LRRIQ3: variants seen among roughly 807,000 people sequenced by gnomAD.
LRRIQ3 encodes leucine rich repeats and IQ motif containing 3, also known as leucine-rich repeat and IQ domain-containing protein 3.
In LRRIQ3, 75 loss-of-function variants were observed where a neutral mutation model predicts 59.3. That is an observed-to-expected ratio of 1.26 (90% CI 1.05 to 1.53). The LOEUF is 1.53. Ranked by LOEUF, LRRIQ3 falls within the 40% of genes most tolerant of loss-of-function variation. The probability of loss-of-function intolerance (pLI) is 0.00; values close to 1 mark genes in which losing one functional copy is unlikely to be tolerated. For synonymous variants in LRRIQ3, 250 were observed against 231.3 expected, an observed-to-expected ratio of 1.08 and a Z score of -0.73; for missense variants, 831 against 710.0, an observed-to-expected ratio of 1.17 and a Z score of -1.94.
chr1:74,118,391 A>T (rs1288542790), intron 4 of LRRIQ3, among the ~76,000 whole-genome samples: 1 of 152,118 alleles, frequency 6.6e-6, no homozygotes, highest in African/African-American at 2.4e-5. Context: ...ACTCAAATTA[A>T]ATTTTAGAAC....
At chr1:74,047,443 G>A (rs1654238547) in intron 6 of LRRIQ3, among the ~76,000 whole-genome samples, 1 of 152,042 alleles carries the variant, frequency 6.6e-6, no homozygotes, top group Non-Finnish European at 1.5e-5. Flanking sequence ...GACCTGTTGG[G>A]GTGTGATGGG....
intron 3 of LRRIQ3, among the ~76,000 whole-genome samples, chr1:74,171,161 A>T (rs1447532700): frequency 2.6e-5 from 4 of 152,076 alleles, no homozygotes; most frequent in African/African-American, 9.7e-5. Flanking sequence ...GTTTAGTCCC[A>T]TTGCTTTGGC....
intron 6 of LRRIQ3, among the ~76,000 whole-genome samples, chr1:74,051,719 T>C (rs1654375667): frequency 6.6e-6 from 1 of 152,126 alleles, no homozygotes; most frequent in Non-Finnish European, 1.5e-5. Context: ...ATTTTCCTAT[T>C]CTGGACATTT....
At chr1:74,035,270 T>C (rs1048391472) in intron 7 of LRRIQ3, among the ~76,000 whole-genome samples, 5 of 151,724 alleles carry the variant, frequency 3.3e-5, no homozygotes, top group African/African-American at 9.7e-5. Flanking sequence ...AATATCAATA[T>C]AGACATAGAA....
intron 5 of LRRIQ3, among the ~76,000 whole-genome samples, chr1:74,098,950 T>C (rs1037494537): frequency 5.9e-5 from 9 of 151,796 alleles, no homozygotes; most frequent in Admixed American, 2.6e-4. Flanking sequence ...CAAGACAAAG[T>C]AGGAAAGATC....
At chr1:74,075,439 T>C (rs1289976930) in intron 5 of LRRIQ3, among the ~76,000 whole-genome samples, 2 of 151,838 alleles carry the variant, frequency 1.3e-5, no homozygotes, top group African/African-American at 4.8e-5. Context: ...TGGTGGTGCA[T>C]GCCTGTAATC....
chr1:74,076,561 T>C (rs1023834314), intron 5 of LRRIQ3, among the ~76,000 whole-genome samples: 1 of 152,114 alleles, frequency 6.6e-6, no homozygotes, highest in Non-Finnish European at 1.5e-5. Flanking sequence ...AGAGAATTCA[T>C]CCTCACATTT....
intron 3 of LRRIQ3, among the ~76,000 whole-genome samples, chr1:74,171,414 T>G (rs1323136438): frequency 6.6e-6 from 1 of 152,210 alleles, no homozygotes; most frequent in East Asian, 1.9e-4. Flanking sequence ...TGTGTGATTT[T>G]TATTATTCAT....
chr1:74,111,292 T>G (rs534287715), intron 4 of LRRIQ3, among the ~76,000 whole-genome samples: 124 of 152,052 alleles, frequency 8.2e-4, no homozygotes, highest in African/African-American at 2.9e-3. Context: ...AAATATATAA[T>G]AAGTAAATTG....
chr1:74,041,623 A>G lies in LRRIQ3; in HGVS notation c.1308T>C (p.His436=). 2.5e-6 allele frequency: 4 copies of G among 1,613,658 alleles called. No homozygotes were observed. In the South Asian group the frequency reaches 4.4e-5, roughly 18 times the overall value. ...TGGCTACAACTCTTACTTTTTCTTT[A>G]TGGTATTCCTGCTTCTTTTGTTCTG... is the stretch of plus-strand genomic sequence containing the variant. The part of the protein sequence containing the change: ...YYTEQKKQEY[H]KEKVRVVAMA... The change falls in exon 7 of 8, where the codon CAT becomes CAC. Residue 436 remains histidine, a synonymous_variant. Transcript: ENST00000354431.
chr1:74,031,036 G>T (rs1653693009), intron 7 of LRRIQ3, among the ~76,000 whole-genome samples: 1 of 152,158 alleles, frequency 6.6e-6, no homozygotes, highest in Non-Finnish European at 1.5e-5. Context: ...GTCCATCAGA[G>T]AAATGCAAAT....
At chr1:74,083,829 A>G (rs1466363634) in intron 5 of LRRIQ3, 5 of 190,186 alleles carry the variant, frequency 2.6e-5, no homozygotes, top group Admixed American at 6.1e-5. Context: ...TGATCTTATT[A>G]TCTTTTTCAT....
chr1:74,128,820 G>A (rs1646971847), intron 4 of LRRIQ3, among the ~76,000 whole-genome samples: 1 of 152,024 alleles, frequency 6.6e-6, no homozygotes, highest in Admixed American at 6.6e-5. Flanking sequence ...TATACATTAG[G>A]GGGCAACCCA....
chr1:74,036,286 G>T (rs1653869954), intron 7 of LRRIQ3, among the ~76,000 whole-genome samples: 1 of 152,124 alleles, frequency 6.6e-6, no homozygotes, highest in South Asian at 2.1e-4. Context: ...TTTAAACCAT[G>T]AGGGAAGGAA....
chr1:74,149,609 T>A (rs567863283), intron 4 of LRRIQ3, among the ~76,000 whole-genome samples: 60 of 152,314 alleles, frequency 3.9e-4, no homozygotes, highest in African/African-American at 1.4e-3. Context: ...AATATATTAA[T>A]TTTTTCATGT....
intron 5 of LRRIQ3, among the ~76,000 whole-genome samples, chr1:74,092,634 T>C (rs1280997112): frequency 6.6e-6 from 1 of 151,904 alleles, no homozygotes; most frequent in African/African-American, 2.4e-5. Context: ...TTTATTTAAG[T>C]CTTTTGAGAG....
At chr1:74,057,993 G>T (rs902877943) in intron 6 of LRRIQ3, among the ~76,000 whole-genome samples, 14 of 151,614 alleles carry the variant, frequency 9.2e-5, no homozygotes, top group African/African-American at 3.2e-4. Flanking sequence ...CCAATCATTA[G>T]GAAAATGCAA....
chr1:74,132,500 C>T (rs1000823666), intron 4 of LRRIQ3, among the ~76,000 whole-genome samples: 1 of 152,078 alleles, frequency 6.6e-6, no homozygotes. Context: ...GAGCATGGTA[C>T]TGGTACCAAA....
intron 6 of LRRIQ3, among the ~76,000 whole-genome samples, chr1:74,062,403 G>A (rs759903829): frequency 6.6e-5 from 10 of 151,958 alleles, no homozygotes; most frequent in African/African-American, 9.7e-5. Flanking sequence ...GTCAAAAAAC[G>A]ACAGATGCTG....
Sources: allele counts gnomAD v4.1 joint callset (sites outside exome capture counted in the v4.1 genomes callset), GRCh38; gene constraint gnomAD v4.1.1; transcripts MANE v1.5; gene names NCBI Gene and HGNC (gene_info 2026-07-23, HGNC 2026-07-21).